The following GALNT18 variants were observed in gnomAD, a reference collection of about 807,000 sequenced individuals.
GALNT18 encodes GalNAc-transferase 18.
A neutral mutation model predicts 69.5 loss-of-function variants in GALNT18; 44 were observed. The observed-to-expected ratio is 0.63, with a 90% confidence interval of 0.50 to 0.81. GALNT18 has a LOEUF of 0.81. Ranked by LOEUF, GALNT18 falls within the 40% of genes least tolerant of loss-of-function variation. The pLI is 0.00. For synonymous variants in GALNT18, 364 were observed against 318.2 expected, an observed-to-expected ratio of 1.14 and a Z score of -1.53; for missense variants, 715 against 810.0, an observed-to-expected ratio of 0.88 and a Z score of 1.42.
Position 11,474,353 on chromosome 11 carries a change from T to A in GALNT18, c.236-25417A>T, listed in dbSNP as rs145305472. The stretch of plus-strand genomic sequence containing the variant: ...AAGAACCAAAATGGCACGAGTGTGA[T>A]TGGCTGAGAGTGGTAAAGATAGGTA... On this transcript the variant is annotated intron_variant, in intron 1 of 10. Coordinates refer to ENST00000227756, the MANE Select transcript of GALNT18 (RefSeq NM_198516.3). Among the ~76,000 whole-genome samples the A allele has an allele frequency of 2.9e-3, 437 of 152,174 alleles. 1 individual carries two copies. Among genetic ancestry groups the A allele is most frequent in the African/African-American group, 0.01 (422 of 41,506 alleles).
chr11:11,315,933 T>G lies in GALNT18; in HGVS notation c.1512+11153A>C, dbSNP rs993439480. 2.0e-5 allele frequency among the ~76,000 whole-genome samples: 3 copies of G among 147,612 alleles called. No individual in the cohort carries two copies. The highest frequency in any genetic ancestry group is 4.5e-5 in the Non-Finnish European group (3 of 67,382). On this transcript the variant is annotated intron_variant, in intron 9 of 10. Transcript: ENST00000227756. This position sits in a 1 kb window ranked among gnomAD's most constrained non-coding sequence, Gnocchi z 5.6. Reference sequence around the variant, plus strand: ...AGAAGCTGAGGGTGGCTGCCGAGAGTGAGCCTCACAGGGCCAGTCCCCGCA... The same window carrying G: ...AGAAGCTGAGGGTGGCTGCCGAGAGGGAGCCTCACAGGGCCAGTCCCCGCA...
At chr11:11,451,091 T>C (rs188253044) in intron 1 of GALNT18, among the ~76,000 whole-genome samples, 2 of 152,300 alleles carry the variant, frequency 1.3e-5, no homozygotes, top group South Asian at 2.1e-4. Context: ...ATGCAAACTA[T>C]GCAAACTCTT....
At chr11:11,368,648 T>C (rs1263444064) in intron 6 of GALNT18, among the ~76,000 whole-genome samples, 2 of 152,232 alleles carry the variant, frequency 1.3e-5, no homozygotes, top group African/African-American at 2.4e-5. Flanking sequence ...TGTTGAGCTT[T>C]TGTCTTTCTT....
intron 3 of GALNT18, among the ~76,000 whole-genome samples, chr11:11,431,492 C>T (rs927350937): frequency 6.6e-6 from 1 of 152,146 alleles, no homozygotes; most frequent in African/African-American, 2.4e-5. Flanking sequence ...ATCCTCGATG[C>T]CTTTTCCTTT....
At chr11:11,297,930 C>T (rs1439944423) in intron 9 of GALNT18, among the ~76,000 whole-genome samples, 1 of 152,230 alleles carries the variant, frequency 6.6e-6, no homozygotes, top group Non-Finnish European at 1.5e-5. Flanking sequence ...ATCAACACAT[C>T]CGTATCCTGG....
At chr11:11,594,919 G>C (rs925554374) in intron 1 of GALNT18, among the ~76,000 whole-genome samples, 1 of 68,762 alleles carries the variant, frequency 1.5e-5, no homozygotes, top group East Asian at 6.9e-4. Flanking sequence ...AAATATGCGT[G>C]TGTGTATATA....
intron 9 of GALNT18, among the ~76,000 whole-genome samples, chr11:11,307,653 C>G (rs558020889): frequency 1.3e-5 from 2 of 152,282 alleles, no homozygotes; most frequent in South Asian, 4.2e-4. Context: ...ATGTGGCCTC[C>G]ACTTTTGAAG....
Position 11,338,911 on chromosome 11 carries a change from A to G in GALNT18, c.1278+1908T>C, listed in dbSNP as rs749725083. Among the ~76,000 whole-genome samples the G allele has an allele frequency of 6.6e-6, 1 of 152,116 alleles. No homozygotes were observed. Among genetic ancestry groups the G allele is most frequent in the Non-Finnish European group, 1.5e-5 (1 of 68,016 alleles). ...AAGATTCCAGGGTGTGGAATCATGG[A>G]CCCAAGGAGCTACAGAGATTCAAGG... On this transcript the variant is annotated intron_variant, in intron 7 of 10. Coordinates refer to ENST00000227756, the MANE Select transcript of GALNT18 (RefSeq NM_198516.3). The surrounding 1 kb of genome is among the most constrained non-coding windows in gnomAD (Gnocchi z 5.3).
intron 3 of GALNT18, among the ~76,000 whole-genome samples, chr11:11,426,600 G>A (rs1377874232): frequency 6.6e-6 from 1 of 152,196 alleles, no homozygotes; most frequent in Non-Finnish European, 1.5e-5. Context: ...TGTCTTCATG[G>A]AGCTTACACA....
intron 1 of GALNT18, among the ~76,000 whole-genome samples, chr11:11,610,268 C>G (rs987240556): frequency 1.3e-5 from 2 of 152,182 alleles, no homozygotes; most frequent in African/African-American, 4.8e-5. Flanking sequence ...GCCCTTAGCC[C>G]CTTGCTAAGG....
In GALNT18 at chr11:11,485,974, GGT is replaced by G. The variant is rs538138855; in HGVS notation, c.236-37040_236-37039del. On this transcript the variant is annotated intron_variant, in intron 1 of 10. Transcript: ENST00000227756. ...ACCTTGCACATGAGTGAATTCTCTT[GGT>G]GGAATCTGCAGACTATCAGCACAGT... is the stretch of plus-strand genomic sequence containing the variant. Among the ~76,000 whole-genome samples the G allele has an allele frequency of 2.1e-3, 316 of 152,284 alleles. 1 individual carries two copies. The highest frequency in any genetic ancestry group is 7.2e-3 in the African/African-American group (299 of 41,558).
chr11:11,415,161 C>T lies in GALNT18; in HGVS notation c.595+17460G>A, dbSNP rs759133371. 2.6e-5 allele frequency among the ~76,000 whole-genome samples: 4 copies of T among 152,202 alleles called. No homozygotes were observed. Among genetic ancestry groups the T allele is most frequent in the Non-Finnish European group, 4.4e-5 (3 of 68,042 alleles). On this transcript the variant is annotated intron_variant, in intron 3 of 10. Coordinates refer to ENST00000227756, the MANE Select transcript of GALNT18 (RefSeq NM_198516.3). The surrounding 1 kb of genome is among the most constrained non-coding windows in gnomAD (Gnocchi z 4.1). ...ACATCTCTGTGACTTCCCCTTCTGC[C>T]ATCAGCTAGAGAACACTCTGCTTTC...
rs529305716 is a variant in GALNT18 at position 11,463,865 on chromosome 11, C to T, written c.236-14929G>A. On this transcript the variant is annotated intron_variant, in intron 1 of 10. Transcript: ENST00000227756. The surrounding 1 kb of genome is among the most constrained non-coding windows in gnomAD (Gnocchi z 4.2). ...GTCTCGACGCTCTGTATTATGAATGCAGTATGTGTCCGGCGGAATGTGTGC... is the reference window on the plus strand; with the variant it reads ...GTCTCGACGCTCTGTATTATGAATGTAGTATGTGTCCGGCGGAATGTGTGC... Among the ~76,000 whole-genome samples, 6 of 152,244 alleles carry T rather than the reference C, an allele frequency of 3.9e-5. No individual in the cohort carries two copies. Among genetic ancestry groups the T allele is most frequent in the South Asian group, 2.1e-4 (1 of 4,820 alleles).
chr11:11,521,983 G>A (rs973836213), intron 1 of GALNT18, among the ~76,000 whole-genome samples: 4 of 152,158 alleles, frequency 2.6e-5, no homozygotes, highest in South Asian at 2.1e-4. Flanking sequence ...ACACTTTCCT[G>A]AGGCCCAAGA....
At chr11:11,398,552 C>A (rs909187874) in intron 3 of GALNT18, among the ~76,000 whole-genome samples, 2 of 152,214 alleles carry the variant, frequency 1.3e-5, no homozygotes, top group African/African-American at 4.8e-5. Flanking sequence ...TGAACTCAGG[C>A]AGTCGGGCTT....
rs368850593 is a variant in GALNT18 at position 11,366,978 on chromosome 11, A to C, written c.1092+5537T>G. Among the ~76,000 whole-genome samples the C allele has an allele frequency of 8.5e-5, 13 of 152,354 alleles. 1 individual carries two copies. In the South Asian group the frequency reaches 2.5e-3, roughly 29 times the overall value. On this transcript the variant is annotated intron_variant, in intron 6 of 10. Coordinates refer to ENST00000227756, the MANE Select transcript of GALNT18 (RefSeq NM_198516.3). ...TGTCCAAGGTACTGAGAAATCTCAGATCCATATTTCTGCTTTAATAAGCTA... is the reference window on the plus strand; with the variant it reads ...TGTCCAAGGTACTGAGAAATCTCAGCTCCATATTTCTGCTTTAATAAGCTA...
chr11:11,477,539 T>C (rs1169226209), intron 1 of GALNT18, among the ~76,000 whole-genome samples: 2 of 152,166 alleles, frequency 1.3e-5, no homozygotes, highest in African/African-American at 4.8e-5. Context: ...CTTTCTAGAA[T>C]GGTGAGAGAT....
In GALNT18 at chr11:11,338,706, G is replaced by A. The variant is rs112086894; in HGVS notation, c.1278+2113C>T. ...AAAGTGAAGGCAGAAATCAGGGGTA[G>A]AGATATTAATTAGGAAGGCAGCATA... On this transcript the variant is annotated intron_variant, in intron 7 of 10. Transcript: ENST00000227756. This position sits in a 1 kb window ranked among gnomAD's most constrained non-coding sequence, Gnocchi z 5.3. Among the ~76,000 whole-genome samples the A allele has an allele frequency of 2.2e-3, 335 of 152,290 alleles. 1 individual carries two copies. The highest frequency in any genetic ancestry group is 7.7e-3 in the African/African-American group (321 of 41,556).
At chr11:11,361,437 G>A (rs1187820529) in intron 6 of GALNT18, among the ~76,000 whole-genome samples, 9 of 152,142 alleles carry the variant, frequency 5.9e-5, no homozygotes, top group Non-Finnish European at 1.3e-4. Context: ...ATTAATACAT[G>A]TAAAGCACTT....
Sources: allele counts gnomAD v4.1 joint callset (sites outside exome capture counted in the v4.1 genomes callset), GRCh38; gene constraint gnomAD v4.1.1; non-coding constraint Gnocchi (gnomAD v3.1); transcripts MANE v1.5; gene names NCBI Gene and HGNC (gene_info 2026-07-23, HGNC 2026-07-21).